The following PITPNC1 variants were observed in gnomAD, a reference collection of about 807,000 sequenced individuals.
PITPNC1 encodes the protein phosphatidylinositol transfer protein cytoplasmic 1.
Under a neutral mutation model 44.7 loss-of-function variants are expected in PITPNC1, and 18 were observed. That is an observed-to-expected ratio of 0.40 (90% CI 0.28 to 0.60). The LOEUF (loss-of-function observed/expected upper bound fraction) is 0.60. PITPNC1 is among the 20% of genes least tolerant of loss of function. The pLI, the probability that PITPNC1 is intolerant of heterozygous loss-of-function variation, is 0.39. For synonymous variants in PITPNC1, 141 were observed against 149.6 expected (o/e 0.94, Z 0.42); for missense variants, 290 against 418.4 (o/e 0.69, Z 2.68).
chr17:67,519,146 A>T (rs2040293812), intron 1 of PITPNC1, among the ~76,000 whole-genome samples: 1 of 147,266 alleles, frequency 6.8e-6, no homozygotes, highest in South Asian at 2.2e-4. Flanking sequence ...AGATTCTTGT[A>T]TACTCATGTT....
intron 6 of PITPNC1, among the ~76,000 whole-genome samples, chr17:67,641,357 CA>C (rs1646259416): frequency 6.6e-6 from 1 of 152,170 alleles, no homozygotes; most frequent in African/African-American, 2.4e-5. Flanking sequence ...TATACTTAAA[CA>C]TAATGCATAA....
At chr17:67,541,468 TACACAC>T (rs3051696) in intron 2 of PITPNC1, among the ~76,000 whole-genome samples, 16 of 149,600 alleles carry the variant, frequency 1.1e-4, no homozygotes, top group African/African-American at 3.4e-4. Context: ...CAATTATACA[TACACAC>T]ACACACACAC....
intron 1 of PITPNC1, among the ~76,000 whole-genome samples, chr17:67,455,640 C>T (rs1454711725): frequency 6.6e-6 from 1 of 151,738 alleles, no homozygotes; most frequent in East Asian, 1.9e-4. Flanking sequence ...TGGGGTTTCA[C>T]CATGTTGGCC....
intron 8 of PITPNC1, among the ~76,000 whole-genome samples, chr17:67,685,554 C>G (rs532112412): frequency 1.3e-5 from 2 of 152,314 alleles, no homozygotes; most frequent in South Asian, 4.2e-4. Context: ...TGAATGCCCA[C>G]TCTAAATCCC....
At chr17:67,670,528 A>C (rs906080687) in intron 7 of PITPNC1, among the ~76,000 whole-genome samples, 3 of 151,952 alleles carry the variant, frequency 2.0e-5, no homozygotes, top group African/African-American at 4.8e-5. Context: ...CAGGTGGATC[A>C]CTTGAGGTCA....
intron 1 of PITPNC1, among the ~76,000 whole-genome samples, chr17:67,497,529 C>CT (rs34364657): frequency 0.013 from 1,096 of 87,496 alleles, 133 homozygotes; most frequent in African/African-American, 0.039. Context: ...TTGTTCGTGT[C>CT]TTTTTTTTTT....
chr17:67,649,039 A>T (rs2042181417), intron 6 of PITPNC1, among the ~76,000 whole-genome samples: 1 of 152,202 alleles, frequency 6.6e-6, no homozygotes, highest in African/African-American at 2.4e-5. Flanking sequence ...CTGTGGTCTT[A>T]GCTACTCAGG....
chr17:67,408,311 A>T (rs2038430856), intron 1 of PITPNC1, among the ~76,000 whole-genome samples: 1 of 151,954 alleles, frequency 6.6e-6, no homozygotes, highest in Admixed American at 6.6e-5. Flanking sequence ...GACTCGCCTG[A>T]GGTCAGGAGT....
At chr17:67,630,476 G>A (rs139580761) in intron 5 of PITPNC1, among the ~76,000 whole-genome samples, 8,943 of 152,066 alleles carry the variant, frequency 0.059, 692 homozygotes, top group African/African-American at 0.17. Context: ...AAAATTGGCC[G>A]GGCTTGGTGG....
chr17:67,689,416 T>C (rs1241679813), intron 8 of PITPNC1, among the ~76,000 whole-genome samples: 1 of 152,168 alleles, frequency 6.6e-6, no homozygotes, highest in East Asian at 1.9e-4. Context: ...TTTGAATGCT[T>C]ATGACATTTC....
intron 1 of PITPNC1, among the ~76,000 whole-genome samples, chr17:67,424,006 T>C (rs370740610): frequency 6.7e-6 from 1 of 148,546 alleles, no homozygotes; most frequent in African/African-American, 2.5e-5. Flanking sequence ...TGTTACATTT[T>C]ACAACTCTTC....
At chr17:67,564,499 C>T (rs1162505366) in intron 4 of PITPNC1, among the ~76,000 whole-genome samples, 2 of 152,136 alleles carry the variant, frequency 1.3e-5, no homozygotes, top group Non-Finnish European at 2.9e-5. Context: ...TTGGATGGTG[C>T]CCACCCACAT....
chr17:67,564,164 GAT>G (rs2040943467), intron 4 of PITPNC1, among the ~76,000 whole-genome samples: 1 of 19,818 alleles, frequency 5.0e-5, no homozygotes, highest in African/African-American at 8.1e-5. Context: ...AGATTGGGTG[GAT>G]GGATGGATGG....
intron 5 of PITPNC1, among the ~76,000 whole-genome samples, chr17:67,594,304 T>C (rs2144261833): frequency 6.6e-6 from 1 of 152,296 alleles, no homozygotes; most frequent in African/African-American, 2.4e-5. Context: ...TTCTCTTTTC[T>C]CTTTCACTTC....
At chr17:67,437,849 C>G (rs1006321146) in intron 1 of PITPNC1, among the ~76,000 whole-genome samples, 5 of 152,146 alleles carry the variant, frequency 3.3e-5, no homozygotes, top group African/African-American at 1.2e-4. Flanking sequence ...GGGCGGATCA[C>G]TTGAGGTCAG....
chr17:67,517,572 T>C (rs1246288442), intron 1 of PITPNC1, among the ~76,000 whole-genome samples: 1 of 152,254 alleles, frequency 6.6e-6, no homozygotes, highest in Non-Finnish European at 1.5e-5. Context: ...AATGGAATAT[T>C]ATTCAGTAAT....
chr17:67,605,847 A>T (rs1033565871), intron 5 of PITPNC1, among the ~76,000 whole-genome samples: 4 of 152,226 alleles, frequency 2.6e-5, no homozygotes, highest in African/African-American at 4.8e-5. Flanking sequence ...ACTTCTAGTT[A>T]AGAGAGCATC....
At chr17:67,420,655 C>CA in intron 1 of PITPNC1, among the ~76,000 whole-genome samples, 1 of 152,110 alleles carries the variant, frequency 6.6e-6, no homozygotes, top group African/African-American at 2.4e-5. Context: ...TGGTCTTGAA[C>CA]TCCTGGCCTC....
chr17:67,524,334 A>T (rs571660536), intron 1 of PITPNC1: 1 of 152,136 alleles, frequency 6.6e-6, no homozygotes, highest in East Asian at 1.9e-4. Flanking sequence ...AGTCCCAGTG[A>T]CTCAAGAGGC....
Sources: gnomAD v4.1 joint callset for allele counts (sites outside exome capture counted in the v4.1 genomes callset) on GRCh38, gnomAD v4.1.1 for gene constraint, MANE v1.5 for transcripts, NCBI Gene and HGNC (gene_info 2026-07-23, HGNC 2026-07-21) for gene names.